Variants in ZCWPW2 observed in about 807,000 individuals in gnomAD.
The protein encoded by ZCWPW2 is zinc finger CW-type PWWP domain protein 2.
ZCWPW2 carries 45 observed loss-of-function variants against 46.6 expected under a neutral mutation model. The observed-to-expected ratio is 0.96, with a 90% CI of 0.76 to 1.24. The LOEUF is 1.24. Ranked by LOEUF, ZCWPW2 falls within the 50% of genes most tolerant of loss-of-function variation. ZCWPW2 has a pLI of 0.00. For missense variants in ZCWPW2, 429 were observed against 403.9 expected, an observed-to-expected ratio of 1.06 and a Z score of -0.53; for synonymous variants, 152 against 137.1, an observed-to-expected ratio of 1.11 and a Z score of -0.76.
chr3:28,435,852 G>T (rs13081787), intron 4 of ZCWPW2, among the ~76,000 whole-genome samples: 33,344 of 152,090 alleles, frequency 0.22, 4,179 homozygotes, highest in Middle Eastern at 0.29. Flanking sequence ...ATTGCCTTTT[G>T]AAACTATTTT....
At chr3:28,518,604 A>T (rs967084588) in intron 8 of ZCWPW2, among the ~76,000 whole-genome samples, 1 of 152,214 alleles carries the variant, frequency 6.6e-6, no homozygotes, top group Non-Finnish European at 1.5e-5. Context: ...GGCAGTGTAC[A>T]TATTTCTTCA....
At chr3:28,402,173 A>G (rs1695972117) in intron 2 of ZCWPW2, among the ~76,000 whole-genome samples, 1 of 152,156 alleles carries the variant, frequency 6.6e-6, no homozygotes, top group Non-Finnish European at 1.5e-5. Flanking sequence ...CTTTTAGACT[A>G]TTAGCAAGAT....
At chr3:28,370,034 G>C (rs1440152367) in intron 1 of ZCWPW2, among the ~76,000 whole-genome samples, 6 of 152,216 alleles carry the variant, frequency 3.9e-5, no homozygotes. Flanking sequence ...GGAGTGACCT[G>C]ATTTTCCAGG....
intron 3 of ZCWPW2, among the ~76,000 whole-genome samples, chr3:28,421,834 TTGTGTGTGTGTGTG>T (rs71087697): frequency 1.5e-4 from 20 of 133,912 alleles, no homozygotes; most frequent in East Asian, 4.5e-4. Context: ...GGAGAATAGT[TTGTGTGTGTGTGTG>T]TGTGTGTGTG....
At chr3:28,351,580 G>A (rs1257824928) in intron 1 of ZCWPW2, 1 of 151,440 alleles carries the variant, frequency 6.6e-6, no homozygotes, top group African/African-American at 2.4e-5. Context: ...TGAGGACTTT[G>A]TCTATATCTG....
At chr3:28,507,455 G>A (rs751807253) in intron 6 of ZCWPW2, among the ~76,000 whole-genome samples, 1 of 150,962 alleles carries the variant, frequency 6.6e-6, no homozygotes, top group African/African-American at 2.4e-5. Context: ...CATTGTCTTT[G>A]GAGATGGTGG....
intron 4 of ZCWPW2, among the ~76,000 whole-genome samples, chr3:28,460,599 A>C (rs1435879540): frequency 1.3e-5 from 2 of 152,180 alleles, no homozygotes; most frequent in African/African-American, 4.8e-5. Flanking sequence ...ACATGGGTAT[A>C]ATGTGGCAAT....
At chr3:28,356,755 C>T (rs952321914) in intron 1 of ZCWPW2, among the ~76,000 whole-genome samples, 9 of 152,244 alleles carry the variant, frequency 5.9e-5, no homozygotes, top group African/African-American at 1.9e-4. Context: ...CTCGCAAGGA[C>T]AGTAAACCAA....
chr3:28,410,094 A>G (rs1696340439), intron 2 of ZCWPW2, among the ~76,000 whole-genome samples: 2 of 152,304 alleles, frequency 1.3e-5, no homozygotes, highest in South Asian at 4.1e-4. Flanking sequence ...CACTAATTAA[A>G]CTAGTAGATT....
intron 3 of ZCWPW2, chr3:28,427,918 G>A (rs116234207): frequency 6.6e-6 from 1 of 152,242 alleles, no homozygotes; most frequent in Non-Finnish European, 1.5e-5. Flanking sequence ...TTTTAACACT[G>A]TAATGTAACA....
intron 1 of ZCWPW2, among the ~76,000 whole-genome samples, chr3:28,352,906 A>G (rs1704610288): frequency 6.6e-6 from 1 of 152,148 alleles, no homozygotes; most frequent in Non-Finnish European, 1.5e-5. Flanking sequence ...TTTATAGGCC[A>G]GGCACAGTGG....
At chr3:28,504,669 C>T (rs997924752) in intron 6 of ZCWPW2, among the ~76,000 whole-genome samples, 5 of 152,122 alleles carry the variant, frequency 3.3e-5, no homozygotes, top group African/African-American at 1.2e-4. Context: ...CAGCATTCCC[C>T]TTGCTAAGAT....
At chr3:28,458,114 C>G (rs1041366624) in intron 4 of ZCWPW2, among the ~76,000 whole-genome samples, 1 of 152,232 alleles carries the variant, frequency 6.6e-6, no homozygotes, top group Non-Finnish European at 1.5e-5. Context: ...ATTAGAATTA[C>G]CTTGTAGTGA....
chr3:28,505,916 A>G (rs1421349506), intron 6 of ZCWPW2, among the ~76,000 whole-genome samples: 1 of 151,690 alleles, frequency 6.6e-6, no homozygotes, highest in African/African-American at 2.4e-5. Flanking sequence ...AGAAAACTTC[A>G]TTTAGCTGAA....
chr3:28,451,726 A>G (rs1275602861), intron 4 of ZCWPW2, among the ~76,000 whole-genome samples: 1 of 152,234 alleles, frequency 6.6e-6, no homozygotes, highest in Non-Finnish European at 1.5e-5. Context: ...GTAGTCTGTG[A>G]TAAGGATTAG....
At chr3:28,492,950 G>A (rs1699866780) in intron 6 of ZCWPW2, among the ~76,000 whole-genome samples, 1 of 151,996 alleles carries the variant, frequency 6.6e-6, no homozygotes, top group African/African-American at 2.4e-5. Context: ...GAACAGAAAA[G>A]GGTGTTGGGC....
chr3:28,463,161 T>G (rs1698704610), intron 4 of ZCWPW2, among the ~76,000 whole-genome samples: 1 of 152,318 alleles, frequency 6.6e-6, no homozygotes, highest in African/African-American at 2.4e-5. Context: ...ATTTTTAGTC[T>G]AAGTGTCTTT....
At chr3:28,437,171 C>G (rs1697535008) in intron 4 of ZCWPW2, among the ~76,000 whole-genome samples, 2 of 152,094 alleles carry the variant, frequency 1.3e-5, no homozygotes, top group African/African-American at 4.8e-5. Flanking sequence ...AAATTTTTTT[C>G]TAGAGGAGAA....
chr3:28,444,640 GAT>G (rs1195671423), intron 4 of ZCWPW2, among the ~76,000 whole-genome samples: 3 of 152,160 alleles, frequency 2.0e-5, no homozygotes, highest in Non-Finnish European at 4.4e-5. Flanking sequence ...TCACTCGCAT[GAT>G]AAGAGCTTTC....
Sources: gnomAD v4.1 joint callset for allele counts (sites outside exome capture counted in the v4.1 genomes callset) on GRCh38, gnomAD v4.1.1 for gene constraint, MANE v1.5 for transcripts, NCBI Gene and HGNC (gene_info 2026-07-23, HGNC 2026-07-21) for gene names.